SYT1: variants seen among roughly 807,000 people sequenced by gnomAD.
The protein encoded by SYT1 is synaptotagmin-1.
In SYT1, 8 loss-of-function variants were observed where a neutral mutation model predicts 44.8. That is an observed-to-expected ratio of 0.18 (90% CI 0.10 to 0.32). The LOEUF is 0.32. Ranked by LOEUF, SYT1 falls within the 10% of genes least tolerant of loss-of-function variation. The pLI is 1.00. For synonymous variants in SYT1, 154 were observed against 188.8 expected, an observed-to-expected ratio of 0.82 and a Z score of 1.51; for missense variants, 286 against 509.3, an observed-to-expected ratio of 0.56 and a Z score of 4.22.
intron 1 of SYT1, among the ~76,000 whole-genome samples, chr12:78,902,729 TG>T (rs1875732996): frequency 6.6e-6 from 1 of 152,150 alleles, no homozygotes; most frequent in Admixed American, 6.6e-5. Flanking sequence ...TTCATTGATG[TG>T]GGTGCACACA....
intron 3 of SYT1, among the ~76,000 whole-genome samples, chr12:79,076,446 A>G (rs1217358394): frequency 2.6e-5 from 4 of 152,118 alleles, no homozygotes; most frequent in Non-Finnish European, 5.9e-5. Context: ...GAAATAATAT[A>G]CTATTTTATA....
At chr12:79,250,086 T>C (rs992618452) in intron 4 of SYT1, among the ~76,000 whole-genome samples, 2 of 152,204 alleles carry the variant, frequency 1.3e-5, no homozygotes, top group African/African-American at 4.8e-5. Context: ...TTATTTCCAT[T>C]TTAGAGAAAT....
chr12:79,000,901 A>C (rs982635637), intron 2 of SYT1, among the ~76,000 whole-genome samples: 3 of 152,204 alleles, frequency 2.0e-5, no homozygotes, highest in Admixed American at 2.0e-4. Flanking sequence ...ATGCCAATTT[A>C]AATTCCCCCA....
At chr12:79,213,699 C>A (rs886292059) in intron 3 of SYT1, among the ~76,000 whole-genome samples, 2 of 152,098 alleles carry the variant, frequency 1.3e-5, no homozygotes, top group Non-Finnish European at 1.5e-5. Context: ...CCGAAGCGGG[C>A]GGATCACTTG....
intron 8 of SYT1, among the ~76,000 whole-genome samples, chr12:79,312,402 G>A (rs1057503796): frequency 6.6e-6 from 1 of 152,118 alleles, no homozygotes; most frequent in Non-Finnish European, 1.5e-5. Context: ...GATCCAGTTG[G>A]AAGTTCTTCC....
At chr12:79,232,034 C>T (rs1875900518) in intron 4 of SYT1, among the ~76,000 whole-genome samples, 1 of 152,182 alleles carries the variant, frequency 6.6e-6, no homozygotes, top group South Asian at 2.1e-4. Flanking sequence ...TCTACCATTA[C>T]TAGTGTGTGA....
intron 9 of SYT1, among the ~76,000 whole-genome samples, chr12:79,384,987 A>T (rs867492613): frequency 1.5e-5 from 2 of 129,890 alleles, no homozygotes; most frequent in Admixed American, 8.4e-5. Flanking sequence ...GGACCACTGG[A>T]TTTTTTTTTT....
At chr12:79,190,568 A>G (rs1873055373) in intron 3 of SYT1, among the ~76,000 whole-genome samples, 1 of 152,080 alleles carries the variant, frequency 6.6e-6, no homozygotes, top group Admixed American at 6.6e-5. Context: ...CTAGTGCAGT[A>G]CTCCACAGCA....
At chr12:78,958,773 G>A (rs1376335209) in intron 1 of SYT1, among the ~76,000 whole-genome samples, 2 of 151,872 alleles carry the variant, frequency 1.3e-5, no homozygotes, top group Non-Finnish European at 2.9e-5. Context: ...TTGAAATAAA[G>A]GAAACCACAC....
chr12:79,401,121 A>G (rs994646651), intron 9 of SYT1, among the ~76,000 whole-genome samples: 9 of 152,182 alleles, frequency 5.9e-5, no homozygotes, highest in African/African-American at 2.2e-4. Context: ...ATCAAATTGC[A>G]TTGTAGAATA....
rs1376131892 is a variant in SYT1 at position 79,029,538 on chromosome 12, CTGATTTGG to C, written c.-83-17753_-83-17746del. Among the ~76,000 whole-genome samples the C allele has an allele frequency of 2.6e-5, 4 of 151,174 alleles. No individual in the cohort carries two copies. The Admixed American group carries it at 2.6e-4, about 10-fold the overall frequency. ...AAGGATTCAGAAATATTTGCAACTT[CTGATTTGG>C]TGATTAATTTAGCATCACTTGTGAA... On this transcript the variant is annotated intron_variant, in intron 2 of 10. Transcript: ENST00000261205.
intron 1 of SYT1, among the ~76,000 whole-genome samples, chr12:78,953,520 T>A (rs1490169485): frequency 6.6e-6 from 1 of 152,078 alleles, no homozygotes; most frequent in Non-Finnish European, 1.5e-5. Flanking sequence ...AATCCTAAAG[T>A]CTTGCCCCGT....
chr12:79,335,742 C>T (rs2139028154), intron 8 of SYT1, among the ~76,000 whole-genome samples: 1 of 152,296 alleles, frequency 6.6e-6, no homozygotes, highest in South Asian at 2.1e-4. Context: ...GCTACCTTTT[C>T]CTTATCTGAG....
At chr12:78,912,441 G>A (rs7964755) in intron 1 of SYT1, among the ~76,000 whole-genome samples, 7 of 151,700 alleles carry the variant, frequency 4.6e-5, no homozygotes, top group African/African-American at 1.7e-4. Flanking sequence ...GCTGAGACGT[G>A]GTGGAGAATA....
At chr12:79,271,824 C>T (rs935472296) in intron 4 of SYT1, among the ~76,000 whole-genome samples, 1 of 152,130 alleles carries the variant, frequency 6.6e-6, no homozygotes, top group African/African-American at 2.4e-5. Flanking sequence ...GAATAATCTA[C>T]AGAGAGCCAA....
At chr12:78,985,835 G>A (rs1869604163) in intron 2 of SYT1, among the ~76,000 whole-genome samples, 1 of 151,884 alleles carries the variant, frequency 6.6e-6, no homozygotes. Flanking sequence ...AACAAAAGAA[G>A]CAATTTCAAA....
rs754389860 is a variant in SYT1, at chr12:79,444,104, T to C, written c.960T>C (p.Asn320=). The C allele has an allele frequency of 1.2e-6, 2 of 1,613,548 alleles. No individual in the cohort carries two copies. The highest frequency in any genetic ancestry group is 2.2e-5 in the South Asian group (2 of 91,046). The change falls in exon 10 of 11, where the codon AAT becomes AAC. Residue 320 remains asparagine (N), a synonymous_variant. Transcript: ENST00000261205. ...DPYVKIHLMQ[N]GKRLKKKKTT... is the part of the protein sequence containing the mutation. The stretch of plus-strand genomic sequence containing the variant: ...ATGTGAAGATTCATCTGATGCAGAA[T>C]GGTAAGAGGCTGAAGAAGAAAAAGA...
At chr12:79,245,266 C>T (rs1270130483) in intron 4 of SYT1, among the ~76,000 whole-genome samples, 18 of 149,438 alleles carry the variant, frequency 1.2e-4, no homozygotes, top group African/African-American at 3.5e-4. Context: ...GAGATCCTGA[C>T]CATCCTGGCT....
chr12:79,078,908 C>A lies in SYT1; in HGVS notation c.-18+31546C>A, dbSNP rs147435746. ...ATACTTATGATGTATGGTGTGACTT[C>A]ATGGAGAGTCCATTGTACTCAATGG... is the stretch of plus-strand genomic sequence containing the variant. On this transcript the variant is annotated intron_variant, in intron 3 of 10. Coordinates refer to ENST00000261205, the MANE Select transcript of SYT1 (RefSeq NM_005639.3). Among the ~76,000 whole-genome samples the A allele has an allele frequency of 1.4e-4, 22 of 152,252 alleles. No homozygotes were observed. The East Asian group carries it at 3.7e-3, about 25-fold the overall frequency.
Sources: gnomAD v4.1 joint callset for allele counts (sites outside exome capture counted in the v4.1 genomes callset) on GRCh38, gnomAD v4.1.1 for gene constraint, MANE v1.5 for transcripts, NCBI Gene and HGNC (gene_info 2026-07-23, HGNC 2026-07-21) for gene names.